The following PSME4 variants were observed in gnomAD, a reference collection of about 807,000 sequenced individuals.
PSME4 encodes the protein proteasome activator complex subunit 4.
Under a neutral mutation model 253.9 loss-of-function variants are expected in PSME4, and 89 were observed. The observed-to-expected ratio is 0.35, with a 90% confidence interval of 0.30 to 0.42. The LOEUF (loss-of-function observed/expected upper bound fraction) is 0.42. PSME4 is among the 10% of genes least tolerant of loss of function. The pLI is 1.00. For synonymous variants in PSME4, 851 were observed against 759.2 expected, an observed-to-expected ratio of 1.12 and a Z score of -1.99; for missense variants, 2,014 against 2,195.2, an observed-to-expected ratio of 0.92 and a Z score of 1.65.
chr2:53,890,000 C>T lies in PSME4; in HGVS notation c.4296+104G>A. 4 of 905,562 alleles carry T rather than the reference C, an allele frequency of 4.4e-6. No homozygotes were observed. In the Admixed American group the frequency reaches 9.8e-5, roughly 22 times the overall value. The allele number at this position is 905,562 out of a possible 1,614,324, so 56.1% of individuals were successfully genotyped here. ...AATAAAAACAATTAAAAAACAAAAC[C>T]CAAAAAGATTTAAGAAGTGTTATGA... On this transcript the variant is annotated intron_variant, in intron 37 of 46. Transcript: ENST00000404125.
chr2:53,908,442 T>G, intron 23 of PSME4, 24 bp from the exon 24 acceptor site: 1 of 1,612,438 alleles, frequency 6.2e-7, no homozygotes, highest in Non-Finnish European at 8.5e-7. Flanking sequence ...TTTCAAATTG[T>G]ATTTGCAAGT....
At chr2:53,884,782 C>T (rs989668541) in intron 41 of PSME4, among the ~76,000 whole-genome samples, 2 of 152,200 alleles carry the variant, frequency 1.3e-5, no homozygotes, top group African/African-American at 4.8e-5. Flanking sequence ...TATATACTAG[C>T]AGCTACTGTC....
chr2:53,902,453 C>T (rs1351370237), intron 27 of PSME4, among the ~76,000 whole-genome samples: 1 of 152,158 alleles, frequency 6.6e-6, no homozygotes. Context: ...ATTTACCTCA[C>T]CTGATTCCAA....
Position 53,940,958 on chromosome 2 carries a change from TATATATATATA to T in PSME4, c.501-969_501-959del, listed in dbSNP as rs1669398982. Reference sequence around the variant, plus strand: ...ATATATAAATATATATATACATATATATATATATATATATATATATATATATATATATATAT... The same window carrying T: ...ATATATAAATATATATATACATATATTATATATATATATATATATATATAT... On this transcript the variant is annotated intron_variant, in intron 3 of 46. Coordinates refer to ENST00000404125, the MANE Select transcript of PSME4 (RefSeq NM_014614.3). Among the ~76,000 whole-genome samples, 263 of 49,552 alleles carry T rather than the reference TATATATATATA, an allele frequency of 5.3e-3. 23 individuals carry two copies. Among genetic ancestry groups the T allele is most frequent in the African/African-American group, 0.012 (208 of 16,986 alleles). The allele number at this position is 49,552 out of a possible 152,430, so 32.5% of individuals were successfully genotyped here. A position where few individuals can be genotyped will look rare whatever the true frequency, so the allele number is the denominator to read the frequency against.
chr2:53,944,371 G>A (rs1669604562), intron 3 of PSME4, among the ~76,000 whole-genome samples: 1 of 152,106 alleles, frequency 6.6e-6, no homozygotes, highest in African/African-American at 2.4e-5. Flanking sequence ...TGTTGGCCAG[G>A]CTGGTCTCAA....
intron 37 of PSME4, among the ~76,000 whole-genome samples, chr2:53,889,416 G>C (rs1383139496): frequency 4.6e-5 from 7 of 152,088 alleles, no homozygotes; most frequent in African/African-American, 1.7e-4. Context: ...GTATTGTTTA[G>C]GGAATAATGA....
chr2:53,925,943 T>G lies in PSME4; in HGVS notation c.1658+16A>C. On this transcript the variant is annotated intron_variant, in intron 13 of 46. Coordinates refer to ENST00000404125, the MANE Select transcript of PSME4 (RefSeq NM_014614.3). ...CTAGAATTTCAGCTAAACGTTGGTG[T>G]GGGTTACAAGCTCACCTGTCCATAA... is the stretch of plus-strand genomic sequence containing the variant. The G allele has an allele frequency of 6.9e-6, 11 of 1,604,396 alleles. No homozygotes were observed. The highest frequency in any genetic ancestry group is 9.4e-6 in the Non-Finnish European group (11 of 1,171,732).
intron 17 of PSME4, among the ~76,000 whole-genome samples, chr2:53,921,686 G>A (rs949158204): frequency 3.6e-5 from 5 of 140,364 alleles, no homozygotes; most frequent in Non-Finnish European, 6.2e-5. Flanking sequence ...GGCTAAAACG[G>A]TGAAACCCCG....
chr2:53,966,920 G>A (rs113972818), intron 1 of PSME4, among the ~76,000 whole-genome samples: 1 of 152,130 alleles, frequency 6.6e-6, no homozygotes, highest in Non-Finnish European at 1.5e-5. Context: ...GGCTGGTCTC[G>A]AACTCCTGAC....
intron 1 of PSME4, among the ~76,000 whole-genome samples, chr2:53,954,912 G>C (rs958608287): frequency 2.0e-4 from 30 of 152,064 alleles, no homozygotes; most frequent in African/African-American, 7.2e-4. Context: ...AGACACTGTG[G>C]CTCACGTCTA....
Position 53,864,760 on chromosome 2 carries a change from A to C in PSME4, c.*818T>G, listed in dbSNP as rs531606108. On this transcript the variant is annotated 3_prime_UTR_variant, in exon 47 of 47. Transcript: ENST00000404125. ...GAATAAAATAAATTAAAAAATTACA[A>C]AATTTCCACAAACACAGCAGTCTTC... The C allele has an allele frequency of 6.5e-6, 1 of 152,782 alleles. No individual in the cohort carries two copies. Among genetic ancestry groups the C allele is most frequent in the East Asian group, 1.9e-4 (1 of 5,194 alleles). 9.5% of individuals were successfully genotyped at this position (152,782 alleles called of 1,614,324 possible).
intron 12 of PSME4, among the ~76,000 whole-genome samples, chr2:53,926,968 A>G (rs1224883658): frequency 1.4e-5 from 2 of 138,380 alleles, no homozygotes; most frequent in Non-Finnish European, 3.2e-5. Context: ...ACAAGACTCC[A>G]TCTCAAAAAA....
At chr2:53,959,445 T>C (rs902913315) in intron 1 of PSME4, among the ~76,000 whole-genome samples, 6 of 152,172 alleles carry the variant, frequency 3.9e-5, no homozygotes, top group African/African-American at 1.4e-4. Flanking sequence ...CAAGGAAAAC[T>C]ACCATGACCC....
chr2:53,875,941 A>C (rs1289141976), intron 41 of PSME4, among the ~76,000 whole-genome samples, 186 bp from the exon 42 acceptor site: 1 of 152,138 alleles, frequency 6.6e-6, no homozygotes, highest in Non-Finnish European at 1.5e-5. Flanking sequence ...ACAAACTCAT[A>C]ATCTTTTGTT....
chr2:53,958,818 T>TA (rs74490446), intron 1 of PSME4, among the ~76,000 whole-genome samples: 1,429 of 135,808 alleles, frequency 0.011, 45 homozygotes, highest in East Asian at 0.065. Flanking sequence ...AATACATATT[T>TA]AAAAAAAAAA....
chr2:53,910,394 C>A (rs1365791764), intron 20 of PSME4, among the ~76,000 whole-genome samples: 2 of 152,082 alleles, frequency 1.3e-5, no homozygotes, highest in Non-Finnish European at 2.9e-5. Context: ...ATATCCAATA[C>A]TCAAATGTAA....
intron 10 of PSME4, 29 bp from the exon 11 acceptor site, chr2:53,928,332 T>A: frequency 6.4e-7 from 1 of 1,569,144 alleles, no homozygotes. Flanking sequence ...ATTTTTAAAG[T>A]CTCCATCACA....
intron 41 of PSME4, among the ~76,000 whole-genome samples, chr2:53,883,434 A>ACGCTGCAGTGAGCCATGACTGCAC (rs2104420264): frequency 6.6e-6 from 1 of 151,924 alleles, no homozygotes; most frequent in South Asian, 2.1e-4. Context: ...CAGGAGATTG[A>ACGCTGCAGTGAGCCATGACTGCAC]CGCTGCAGTG....
rs566372038 is a variant in PSME4, at chr2:53,948,662, C to G, written c.384-125G>C. 67 of 664,642 alleles carry G rather than the reference C, an allele frequency of 1.0e-4. No homozygotes were observed. The African/African-American group carries it at 1.1e-3, about 11-fold the overall frequency. 41.2% of individuals were successfully genotyped at this position (664,642 alleles called of 1,614,324 possible). ...CACCATGGGTTTTGCTTTCCCCATC[C>G]ATGGCCACTCACTAGCAGAACATAG... On this transcript the variant is annotated intron_variant, in intron 2 of 46. Transcript: ENST00000404125.
Sources: gnomAD v4.1 joint callset for allele counts (sites outside exome capture counted in the v4.1 genomes callset) on GRCh38, gnomAD v4.1.1 for gene constraint, MANE v1.5 for transcripts, NCBI Gene and HGNC (gene_info 2026-07-23, HGNC 2026-07-21) for gene names.